Variants in MYBPC1 observed in about 807,000 individuals in gnomAD.
MYBPC1 encodes myosin-binding protein C, slow-type.
MYBPC1 carries 52 observed loss-of-function variants against 147.1 expected under a neutral mutation model. The observed-to-expected ratio is 0.35, with a 90% confidence interval of 0.28 to 0.45. The LOEUF (loss-of-function observed/expected upper bound fraction) is 0.45, where lower values mean the gene tolerates loss of function less well. Ranked by LOEUF, MYBPC1 falls within the 20% of genes least tolerant of loss-of-function variation. The pLI is 1.00. For synonymous variants in MYBPC1, 477 were observed against 475.9 expected (o/e 1.00, Z -0.03); for missense variants, 1,228 against 1,440.3 (o/e 0.85, Z 2.39).
At position 101,649,365 on chromosome 12, in the gene MYBPC1, T is replaced by G; in HGVS notation, c.1302T>G (p.Asp434Glu). Residue 434 changes from aspartate (D) to glutamate (E), a missense_variant, in exon 15 of 32, where the codon GAT becomes GAG. Asp to Glu is a conservative substitution (Grantham distance 45). This residue lies in a region of MYBPC1 where 1,077 missense variants were observed against 1,314.2 expected (regional missense o/e 0.82). Transcript: ENST00000361466. ...ILIIEGATKA[D>E]AAEYSVMTTG... ...TCATAGAGGGAGCAACAAAGGCTGATGCTGCAGAATATTCAGTAATGACAA... is the reference window on the plus strand; with the variant it reads ...TCATAGAGGGAGCAACAAAGGCTGAGGCTGCAGAATATTCAGTAATGACAA... 1 of 1,614,022 alleles carries G rather than the reference T, an allele frequency of 6.2e-7. No individual in the cohort carries two copies.
At chr12:101,629,973 A>T (rs1889550959) in intron 6 of MYBPC1, among the ~76,000 whole-genome samples, 1 of 152,156 alleles carries the variant, frequency 6.6e-6, no homozygotes, top group Non-Finnish European at 1.5e-5. Context: ...TTGTACAGCC[A>T]CTACTTCTAT....
chr12:101,602,778 TGTG>T (rs905910337), intron 1 of MYBPC1, among the ~76,000 whole-genome samples: 9 of 152,148 alleles, frequency 5.9e-5, no homozygotes, highest in Admixed American at 2.0e-4. Context: ...TTCTTTTACT[TGTG>T]GTGATACATC....
intron 24 of MYBPC1, among the ~76,000 whole-genome samples, chr12:101,671,329 A>T (rs5012280): frequency 0.023 from 3,123 of 138,362 alleles, 40 homozygotes; most frequent in Non-Finnish European, 0.034. Context: ...ACACACACAC[A>T]CACACACACT....
At chr12:101,599,414 A>C (rs1273882593) in intron 1 of MYBPC1, among the ~76,000 whole-genome samples, 1 of 152,112 alleles carries the variant, frequency 6.6e-6, no homozygotes, top group African/African-American at 2.4e-5. Flanking sequence ...GCCAAGCCAA[A>C]AAGCTACCTG....
At position 101,662,556 on chromosome 12, in the gene MYBPC1, G is replaced by A; in HGVS notation, c.2221+10G>A. The A allele has an allele frequency of 6.2e-7, 1 of 1,613,438 alleles. No individual in the cohort carries two copies. Among genetic ancestry groups the A allele is most frequent in the Non-Finnish European group, 8.5e-7 (1 of 1,179,390 alleles). On this transcript the variant is annotated intron_variant, in intron 21 of 31. Coordinates refer to ENST00000361466, the MANE Select transcript of MYBPC1 (RefSeq NM_002465.4). ...CCTTTTGTTCCTTTGGGTAAGTCAA[G>A]AGAGATGAGTCTTTGTCATCAGAAT...
intron 31 of MYBPC1, 22 bp downstream of exon 31, chr12:101,684,446 G>T: frequency 6.4e-7 from 1 of 1,552,300 alleles, no homozygotes; most frequent in Non-Finnish European, 8.8e-7. Flanking sequence ...TATGGTTTTG[G>T]CATATGAAGC....
At chr12:101,602,167 C>T (rs1021324662) in intron 1 of MYBPC1, among the ~76,000 whole-genome samples, 8 of 152,104 alleles carry the variant, frequency 5.3e-5, no homozygotes, top group Admixed American at 4.6e-4. Context: ...CTCTTTGGGT[C>T]TCAGTAAGAA....
intron 15 of MYBPC1, 21 bp from the exon 16 acceptor site, chr12:101,651,210 G>A (rs1894367848): frequency 3.1e-6 from 5 of 1,613,872 alleles, no homozygotes; most frequent in African/African-American, 1.3e-5. Flanking sequence ...TGGCATTTGT[G>A]ATGGTCTATC....
chr12:101,628,105 T>C (rs1889041409), intron 5 of MYBPC1: 1 of 359,852 alleles, frequency 2.8e-6, no homozygotes, highest in Non-Finnish European at 5.3e-6. Context: ...AGTTAGATAA[T>C]AATTCACATT....
chr12:101,669,721 G>A (rs183781053), intron 23 of MYBPC1, among the ~76,000 whole-genome samples: 1 of 152,246 alleles, frequency 6.6e-6, no homozygotes, highest in East Asian at 1.9e-4. Flanking sequence ...TGGATCACCT[G>A]AGGTCACAAG....
intron 10 of MYBPC1, among the ~76,000 whole-genome samples, chr12:101,639,364 C>G (rs1275313275): frequency 1.3e-5 from 2 of 152,156 alleles, no homozygotes; most frequent in Non-Finnish European, 2.9e-5. Flanking sequence ...CATAGCCATG[C>G]AGACAGGGTC....
chr12:101,648,300 A>T (rs1893660058), intron 14 of MYBPC1, 150 bp downstream of exon 14: 3 of 589,500 alleles, frequency 5.1e-6, no homozygotes, highest in Non-Finnish European at 6.0e-6. Flanking sequence ...ATAAAAGTAT[A>T]CTAATATACT....
chr12:101,649,164 C>A, intron 14 of MYBPC1, 96 bp from the exon 15 acceptor site: 1 of 1,111,936 alleles, frequency 9.0e-7, no homozygotes, highest in Non-Finnish European at 1.3e-6. Flanking sequence ...TCATATCCTC[C>A]AGAAATTCTT....
At chr12:101,648,888 G>C (rs970066946) in intron 14 of MYBPC1, among the ~76,000 whole-genome samples, 1 of 152,176 alleles carries the variant, frequency 6.6e-6, no homozygotes, top group South Asian at 2.1e-4. Flanking sequence ...GTAGTAATTG[G>C]TACAGTGTAG....
At chr12:101,655,438 A>G (rs1449882556) in intron 18 of MYBPC1, among the ~76,000 whole-genome samples, 1 of 152,190 alleles carries the variant, frequency 6.6e-6, no homozygotes, top group African/African-American at 2.4e-5. Context: ...AACACAAGAG[A>G]AAAAGTCCAA....
Position 101,594,985 on chromosome 12 carries a change from C to T in MYBPC1, c.-86C>T. ...CCCAACTGCTTGTCACACCGACCTG[C>T]ACCATCTCTCGCCTGCCTGTGGGGT... On this transcript the variant is annotated 5_prime_UTR_variant, in exon 1 of 32. Coordinates refer to ENST00000361466, the MANE Select transcript of MYBPC1 (RefSeq NM_002465.4). 7.5e-7 allele frequency: 1 copy of T among 1,336,420 alleles called. No individual in the cohort carries two copies. Among genetic ancestry groups the T allele is most frequent in the Non-Finnish European group, 1.1e-6 (1 of 930,544 alleles). The allele number at this position is 1,336,420 out of a possible 1,614,324, so 82.8% of individuals were successfully genotyped here. A position where few individuals can be genotyped will look rare whatever the true frequency, so the allele number is the denominator to read the frequency against.
rs12231240 is a variant in MYBPC1, at chr12:101,682,556, G to A, written c.3434-48G>A. The A allele has an allele frequency of 0.041, 64,012 of 1,547,232 alleles. 5,187 individuals are homozygous for A. Among genetic ancestry groups the A allele is most frequent in the East Asian group, 0.3 (13,318 of 44,306 alleles). ...TTGAGTTGTGAAAAAAGGTAAGAATGTCAACTGAGAATAAATAAATACTGG... is the reference window on the plus strand; with the variant it reads ...TTGAGTTGTGAAAAAAGGTAAGAATATCAACTGAGAATAAATAAATACTGG... On this transcript the variant is annotated intron_variant, in intron 29 of 31. Coordinates refer to ENST00000361466, the MANE Select transcript of MYBPC1 (RefSeq NM_002465.4).
chr12:101,682,627 C>T lies in MYBPC1; in HGVS notation c.3457C>T (p.Pro1153Ser), dbSNP rs776986728. The T allele has an allele frequency of 1.2e-6, 2 of 1,613,186 alleles. No homozygotes were observed. The highest frequency in any genetic ancestry group is 1.7e-6 in the Non-Finnish European group (2 of 1,179,248). ...AGTGATATATCAAGGAGTAAATACC[C>T]CTGGACAACCAGTCTTCCTGGAGGG... ...VKVIYQGVNTPGQPVFLEGQQ... is the reference protein window; with the variant it reads ...VKVIYQGVNTSGQPVFLEGQQ... The change falls in exon 30 of 32, where the codon CCT becomes TCT. Residue 1153 changes from proline to serine, a missense_variant. Coordinates refer to ENST00000361466, the MANE Select transcript of MYBPC1 (RefSeq NM_002465.4).
intron 12 of MYBPC1, 76 bp downstream of exon 12, chr12:101,644,872 G>T (rs1892740971): frequency 7.5e-7 from 1 of 1,328,196 alleles, no homozygotes; most frequent in Non-Finnish European, 1.1e-6. Flanking sequence ...ACTTTTCTGA[G>T]AATAAAAGGA....
Sources: gnomAD v4.1 joint callset for allele counts (sites outside exome capture counted in the v4.1 genomes callset) on GRCh38, gnomAD v4.1.1 for gene constraint, gnomAD v4.1.1 regional missense constraint, MANE v1.5 for transcripts, NCBI Gene and HGNC (gene_info 2026-07-23, HGNC 2026-07-21) for gene names.